The following LAMA2 variants were observed in gnomAD, a reference collection of about 807,000 sequenced individuals.
The protein encoded by LAMA2 is laminin subunit alpha-2.
Under a neutral mutation model 364.8 loss-of-function variants are expected in LAMA2, and 269 were observed. That is an observed-to-expected ratio of 0.74 (90% CI 0.67 to 0.82). LAMA2 has a LOEUF of 0.82. Among genes scored for constraint, LAMA2 ranks in the 40% least tolerant of loss-of-function variants. The pLI is 0.00. For missense variants in LAMA2, 3,807 were observed against 3,873.2 expected (o/e 0.98, Z 0.45); for synonymous variants, 1,379 against 1,370.6 (o/e 1.01, Z -0.14).
chr6:129,306,337 C>G (rs1390459666), intron 22 of LAMA2, among the ~76,000 whole-genome samples: 2 of 54,416 alleles, frequency 3.7e-5, no homozygotes, highest in South Asian at 5.2e-4. Context: ...TTTTTTTGTT[C>G]CAGAAAGGTG....
intron 12 of LAMA2, among the ~76,000 whole-genome samples, chr6:129,224,557 G>C (rs1044325157): frequency 1.3e-5 from 2 of 152,176 alleles, no homozygotes; most frequent in African/African-American, 2.4e-5. Flanking sequence ...TGGCATGAAG[G>C]GCTGTTGAAT....
At chr6:128,886,506 G>A (rs1205769900) in intron 1 of LAMA2, among the ~76,000 whole-genome samples, 1 of 152,108 alleles carries the variant, frequency 6.6e-6, no homozygotes, top group East Asian at 1.9e-4. Flanking sequence ...ACACATTTGG[G>A]TATTTCATTG....
chr6:129,202,259 A>G (rs150091423), intron 12 of LAMA2, among the ~76,000 whole-genome samples: 1 of 152,148 alleles, frequency 6.6e-6, no homozygotes, highest in Non-Finnish European at 1.5e-5. Flanking sequence ...ATAAGGAAGA[A>G]TAGTTTCTTG....
intron 12 of LAMA2, among the ~76,000 whole-genome samples, chr6:129,247,512 G>T (rs1239941167): frequency 6.6e-6 from 1 of 152,140 alleles, no homozygotes; most frequent in South Asian, 2.1e-4. Context: ...ATATAAATGT[G>T]ATCATAAACG....
intron 32 of LAMA2, among the ~76,000 whole-genome samples, chr6:129,364,817 T>A (rs1777666396): frequency 6.6e-6 from 1 of 152,194 alleles, no homozygotes; most frequent in Admixed American, 6.5e-5. Flanking sequence ...AATTGGCTCA[T>A]GGTTCCATCA....
At chr6:129,244,001 G>A (rs1785570189) in intron 12 of LAMA2, among the ~76,000 whole-genome samples, 1 of 152,012 alleles carries the variant, frequency 6.6e-6, no homozygotes, top group Non-Finnish European at 1.5e-5. Context: ...AGGCAGGCAG[G>A]ATGTTTTCCT....
chr6:129,364,716 G>A (rs1777659813), intron 32 of LAMA2, among the ~76,000 whole-genome samples: 6 of 152,046 alleles, frequency 3.9e-5, no homozygotes, highest in Admixed American at 3.9e-4. Context: ...CTCTTTGATG[G>A]CCAAAAATAT....
intron 15 of LAMA2, among the ~76,000 whole-genome samples, chr6:129,265,802 C>T (rs1043267181): frequency 6.6e-6 from 1 of 151,924 alleles, no homozygotes; most frequent in African/African-American, 2.4e-5. Context: ...CACCATGGCA[C>T]GTGTATACCT....
intron 4 of LAMA2, among the ~76,000 whole-genome samples, chr6:129,110,852 G>C (rs1399225027): frequency 1.3e-5 from 2 of 151,996 alleles, no homozygotes; most frequent in East Asian, 1.9e-4. Flanking sequence ...GTGTGACACT[G>C]TGTGGATAAT....
chr6:129,464,571 G>T, intron 50 of LAMA2, 119 bp downstream of exon 50: 1 of 916,036 alleles, frequency 1.1e-6, no homozygotes, highest in Admixed American at 1.7e-5. Context: ...AAAAGCCTGG[G>T]ATGATTGTCT....
At chr6:129,167,606 A>G (rs1023465519) in intron 9 of LAMA2, among the ~76,000 whole-genome samples, 1 of 152,080 alleles carries the variant, frequency 6.6e-6, no homozygotes, top group East Asian at 1.9e-4. Flanking sequence ...ATTGTGGATA[A>G]TGCCGCAATA....
At chr6:129,174,722 G>A (rs1442327946) in intron 9 of LAMA2, among the ~76,000 whole-genome samples, 6 of 152,234 alleles carry the variant, frequency 3.9e-5, no homozygotes, top group East Asian at 1.9e-4. Flanking sequence ...AAAGAATGAC[G>A]TAAGCTTTCT....
rs899298994 is a variant in LAMA2, at chr6:129,192,838, C to T, written c.1767C>T (p.Pro589=). The T allele has an allele frequency of 1.9e-6, 3 of 1,613,958 alleles. No individual in the cohort carries two copies. Among genetic ancestry groups the T allele is most frequent in the Non-Finnish European group, 2.5e-6 (3 of 1,179,900 alleles). The change falls in exon 12 of 65, where the codon CCC becomes CCT. Residue 589 remains proline, a synonymous_variant. Transcript: ENST00000421865. ...PHSYYWSAPA[P]YLGNKLPAVG... ...GCTACTACTGGAGCGCGCCGGCTCC[C>T]TATCTGGGAAACAAAGTAAGTCCAC...
At chr6:129,418,038 C>T (rs1270344763) in intron 40 of LAMA2, among the ~76,000 whole-genome samples, 1 of 152,078 alleles carries the variant, frequency 6.6e-6, no homozygotes, top group African/African-American at 2.4e-5. Context: ...GGACATGGCT[C>T]CCACTTGTTC....
chr6:129,041,956 C>G (rs1787127175), intron 1 of LAMA2, among the ~76,000 whole-genome samples: 1 of 149,344 alleles, frequency 6.7e-6, no homozygotes, highest in Non-Finnish European at 1.5e-5. Context: ...GTATTATAAT[C>G]ATGCTATTGC....
chr6:129,262,011 C>G (rs1787170838), intron 15 of LAMA2, among the ~76,000 whole-genome samples: 1 of 152,080 alleles, frequency 6.6e-6, no homozygotes, highest in African/African-American at 2.4e-5. Flanking sequence ...TCTCAATTGG[C>G]ATAATAAATA....
intron 1 of LAMA2, among the ~76,000 whole-genome samples, chr6:128,961,009 C>T (rs905969513): frequency 6.6e-5 from 10 of 151,526 alleles, no homozygotes; most frequent in African/African-American, 1.9e-4. Flanking sequence ...CTGTATGTCA[C>T]GAAAGCATGT....
intron 2 of LAMA2, among the ~76,000 whole-genome samples, chr6:129,055,215 G>A (rs148723726): frequency 0.02 from 1,963 of 99,040 alleles, 53 homozygotes; most frequent in African/African-American, 0.07. Flanking sequence ...TATTTGAGAT[G>A]GAGTCTCACT....
Position 129,440,966 on chromosome 6 carries a change from C to G in LAMA2, c.6236C>G (p.Thr2079Arg). The change falls in exon 43 of 65, where the codon ACG (threonine) becomes AGG (arginine). Residue 2079 changes from threonine to arginine, a missense_variant. Physicochemically the swap from Thr to Arg is moderately conservative, Grantham distance 71. Coordinates refer to ENST00000421865, the MANE Select transcript of LAMA2 (RefSeq NM_000426.4). Reference protein sequence around the residue: ...YNKLADSVAKTNAVVKDPSKN... With the variant: ...YNKLADSVAKRNAVVKDPSKN... ...AAACTAGCAGACAGCGTCGCCAAAA[C>G]GAATGCTGTGGTTAAAGATCCTTCC... is the stretch of plus-strand genomic sequence containing the variant. 1 of 1,613,818 alleles carries G rather than the reference C, an allele frequency of 6.2e-7. No individual in the cohort carries two copies. Among genetic ancestry groups the G allele is most frequent in the South Asian group, 1.1e-5 (1 of 91,078 alleles).
Sources: allele counts gnomAD v4.1 joint callset (sites outside exome capture counted in the v4.1 genomes callset), GRCh38; gene constraint gnomAD v4.1.1; transcripts MANE v1.5; gene names NCBI Gene and HGNC (gene_info 2026-07-23, HGNC 2026-07-21).